LRFN5: variants seen among roughly 807,000 people sequenced by gnomAD.
LRFN5 encodes the protein leucine-rich repeat and fibronectin type-III domain-containing protein 5.
A neutral mutation model predicts 45.6 loss-of-function variants in LRFN5; 24 were observed. The ratio of observed to expected loss-of-function variants is 0.53; its 90% confidence interval spans 0.38 to 0.74. The LOEUF (loss-of-function observed/expected upper bound fraction) is 0.74, where lower values mean the gene tolerates loss of function less well. Among genes scored for constraint, LRFN5 ranks in the 30% least tolerant of loss-of-function variants. The pLI is 0.00. For missense variants in LRFN5, 776 were observed against 861.5 expected, an observed-to-expected ratio of 0.90 and a Z score of 1.24; for synonymous variants, 340 against 313.8, an observed-to-expected ratio of 1.08 and a Z score of -0.88.
chr14:41,795,931 A>AG (rs1887112298), intron 2 of LRFN5, among the ~76,000 whole-genome samples: 1 of 151,642 alleles, frequency 6.6e-6, no homozygotes, highest in Admixed American at 6.6e-5. Flanking sequence ...ATATAAAAAA[A>AG]AAGTTCCGGC....
chr14:41,806,051 G>A (rs1464036371), intron 2 of LRFN5, among the ~76,000 whole-genome samples: 1 of 152,124 alleles, frequency 6.6e-6, no homozygotes, highest in African/African-American at 2.4e-5. Flanking sequence ...GCCCCTGGCA[G>A]CCATCTCCAA....
At chr14:41,816,494 T>A (rs1376009878) in intron 2 of LRFN5, among the ~76,000 whole-genome samples, 1 of 152,124 alleles carries the variant, frequency 6.6e-6, no homozygotes, top group African/African-American at 2.4e-5. Context: ...CAATGTTTGT[T>A]TGTCTGAGGG....
chr14:41,745,696 C>G (rs963082079), intron 1 of LRFN5, among the ~76,000 whole-genome samples: 1 of 151,906 alleles, frequency 6.6e-6, no homozygotes, highest in African/African-American at 2.4e-5. Flanking sequence ...GGAGATGTTA[C>G]TAATTCTACA....
chr14:41,696,273 C>T (rs371028971), intron 1 of LRFN5, among the ~76,000 whole-genome samples: 9 of 151,938 alleles, frequency 5.9e-5, no homozygotes, highest in East Asian at 3.9e-4. Flanking sequence ...AAAAGTACTC[C>T]TGATGAAGAT....
At chr14:41,820,467 C>T (rs954775063) in intron 2 of LRFN5, among the ~76,000 whole-genome samples, 15 of 152,092 alleles carry the variant, frequency 9.9e-5, no homozygotes, top group African/African-American at 3.4e-4. Flanking sequence ...TTCTATTGAT[C>T]CATGTGTCTA....
At chr14:41,639,098 A>G (rs1879442243) in intron 1 of LRFN5, among the ~76,000 whole-genome samples, 1 of 152,148 alleles carries the variant, frequency 6.6e-6, no homozygotes. Flanking sequence ...GACTCCTAGT[A>G]TTAGTTTGTC....
chr14:41,641,444 T>C (rs1688747358), intron 1 of LRFN5, among the ~76,000 whole-genome samples: 1 of 152,114 alleles, frequency 6.6e-6, no homozygotes, highest in South Asian at 2.1e-4. Context: ...AATTTAAGTT[T>C]CAAATTTTAG....
chr14:41,792,087 A>G (rs1284652528), intron 2 of LRFN5, among the ~76,000 whole-genome samples: 1 of 152,084 alleles, frequency 6.6e-6, no homozygotes, highest in Non-Finnish European at 1.5e-5. Flanking sequence ...GAGGAATTTT[A>G]CAGCTGGGCT....
chr14:41,857,621 G>A (rs572187492), intron 2 of LRFN5, among the ~76,000 whole-genome samples: 1 of 152,200 alleles, frequency 6.6e-6, no homozygotes, highest in South Asian at 2.1e-4. Flanking sequence ...TAAACACTGT[G>A]GTCGAACCTG....
chr14:41,777,902 C>G (rs532275269), intron 2 of LRFN5, among the ~76,000 whole-genome samples: 2 of 151,286 alleles, frequency 1.3e-5, no homozygotes, highest in South Asian at 2.1e-4. Context: ...ACTAACCAAA[C>G]CTTAATCCTG....
chr14:41,878,031 G>A (rs961793024), intron 2 of LRFN5, among the ~76,000 whole-genome samples: 26 of 141,218 alleles, frequency 1.8e-4, no homozygotes, highest in African/African-American at 5.5e-4. Context: ...GAATTTTAGA[G>A]GCTCAATAAT....
chr14:41,898,794 T>C, intron 4 of LRFN5, 123 bp from the exon 5 acceptor site: 1 of 903,324 alleles, frequency 1.1e-6, no homozygotes, highest in Non-Finnish European at 1.7e-6. Context: ...TTAAAAAAAA[T>C]CTTTAGATAA....
intron 2 of LRFN5, among the ~76,000 whole-genome samples, chr14:41,767,331 TTAAAA>T (rs1446616925): frequency 6.6e-6 from 1 of 152,146 alleles, no homozygotes; most frequent in Non-Finnish European, 1.5e-5. Flanking sequence ...AAGGAATAGA[TTAAAA>T]TAACAATGTT....
At chr14:41,786,624 A>G (rs963015326) in intron 2 of LRFN5, among the ~76,000 whole-genome samples, 2 of 151,212 alleles carry the variant, frequency 1.3e-5, no homozygotes, top group South Asian at 2.1e-4. Flanking sequence ...TTTGTTGAAC[A>G]TCTTGCATCA....
chr14:41,764,021 A>G (rs1336098859), intron 1 of LRFN5, among the ~76,000 whole-genome samples: 1 of 152,204 alleles, frequency 6.6e-6, no homozygotes, highest in Non-Finnish European at 1.5e-5. Flanking sequence ...TCAACATAAT[A>G]TCAACAAAAA....
chr14:41,760,949 C>A (rs1009870265), intron 1 of LRFN5, among the ~76,000 whole-genome samples: 2 of 152,132 alleles, frequency 1.3e-5, no homozygotes, highest in African/African-American at 4.8e-5. Flanking sequence ...CCCCAATGTC[C>A]ATTTGGACTA....
intron 1 of LRFN5, among the ~76,000 whole-genome samples, chr14:41,665,287 A>C (rs1429271775): frequency 6.6e-6 from 1 of 152,042 alleles, no homozygotes; most frequent in East Asian, 1.9e-4. Flanking sequence ...TGTGAAGGAT[A>C]AAGAAAACAA....
intron 2 of LRFN5, among the ~76,000 whole-genome samples, chr14:41,851,925 C>T (rs914347736): frequency 3.3e-5 from 5 of 151,508 alleles, no homozygotes; most frequent in African/African-American, 1.2e-4. Flanking sequence ...GGTATAGAAA[C>T]CATACCTAAT....
intron 2 of LRFN5, among the ~76,000 whole-genome samples, chr14:41,845,458 G>A (rs1369251395): frequency 6.6e-6 from 1 of 151,932 alleles, no homozygotes; most frequent in South Asian, 2.1e-4. Flanking sequence ...ATATTTGCAT[G>A]GTGTATCTAA....
Sources: gnomAD v4.1 joint callset for allele counts (sites outside exome capture counted in the v4.1 genomes callset) on GRCh38, gnomAD v4.1.1 for gene constraint, MANE v1.5 for transcripts, NCBI Gene and HGNC (gene_info 2026-07-23, HGNC 2026-07-21) for gene names.